CDH3: variants seen among roughly 807,000 people sequenced by gnomAD.
CDH3 encodes cadherin-3.
In CDH3, 54 loss-of-function variants were observed where a neutral mutation model predicts 82.0. The ratio of observed to expected loss-of-function variants is 0.66; its 90% CI spans 0.53 to 0.83. CDH3 has a LOEUF of 0.83. CDH3 is among the 40% of genes least tolerant of loss of function. The probability of loss-of-function intolerance (pLI) is 0.00; values close to 1 mark genes in which losing one functional copy is unlikely to be tolerated. For missense variants in CDH3, 1,054 were observed against 1,084.6 expected, an observed-to-expected ratio of 0.97 and a Z score of 0.40; for synonymous variants, 446 against 437.9, an observed-to-expected ratio of 1.02 and a Z score of -0.23.
intron 1 of CDH3, among the ~76,000 whole-genome samples, chr16:68,710,511 G>C (rs1171255146): frequency 6.6e-6 from 1 of 152,144 alleles, no homozygotes. Context: ...ACAATGCACA[G>C]GACAGCCCCC....
At chr16:68,696,055 C>A in intron 15 of CDH3, 132 bp downstream of exon 15, 1 of 921,970 alleles carries the variant, frequency 1.1e-6, no homozygotes, top group Non-Finnish European at 1.7e-6. Flanking sequence ...CAGCTTTTGA[C>A]CTCTGGCTTA....
intron 11 of CDH3, chr16:68,686,340 T>TA: frequency 1.0e-6 from 1 of 973,404 alleles, no homozygotes; most frequent in Non-Finnish European, 1.6e-6. Context: ...CTTGCGGCGC[T>TA]ACACAAGAGC....
intron 1 of CDH3, among the ~76,000 whole-genome samples, chr16:68,706,835 T>G (rs1961971590): frequency 6.6e-6 from 1 of 152,118 alleles, no homozygotes; most frequent in Non-Finnish European, 1.5e-5. Context: ...ATTACAGGCG[T>G]GAGCCACTGT....
At chr16:68,647,391 G>GT (rs1960105517) in intron 2 of CDH3, among the ~76,000 whole-genome samples, 2 of 152,136 alleles carry the variant, frequency 1.3e-5, no homozygotes, top group African/African-American at 4.8e-5. Flanking sequence ...TAGGCTTGAG[G>GT]TTTTGGGGGG....
intron 1 of CDH3, among the ~76,000 whole-genome samples, chr16:68,718,607 G>A (rs1200573967): frequency 1.3e-5 from 2 of 151,954 alleles, no homozygotes; most frequent in Non-Finnish European, 2.9e-5. Flanking sequence ...GCTTGAACCC[G>A]GGAGGTGGAG....
chr16:68,712,332 G>A (rs561855920), intron 1 of CDH3, among the ~76,000 whole-genome samples: 97 of 151,906 alleles, frequency 6.4e-4, no homozygotes, highest in African/African-American at 2.2e-3. Context: ...CATCACACCC[G>A]GCCCAGAGAG....
rs1052368023 is a variant in CDH3 at position 68,707,584 on chromosome 16, C to T, written c.99+11661C>T. On this transcript the variant is annotated intron_variant, in intron 1 of 2. Coordinates refer to the CDH3 transcript ENST00000569080. The surrounding 1 kb of genome is among the most constrained non-coding windows in gnomAD (Gnocchi z 4.5). ...TCTGGTAGGGCGGTGGCTAAGACAG[C>T]AGCCCCTAAAGGCTGCAGATGTGGG... is the stretch of plus-strand genomic sequence containing the variant. Among the ~76,000 whole-genome samples the T allele has an allele frequency of 5.9e-5, 9 of 152,166 alleles. No homozygotes were observed. The highest frequency in any genetic ancestry group is 2.0e-4 in the Admixed American group (3 of 15,270).
rs60952706 is a variant in CDH3, at chr16:68,690,756, A to C, written c.1796-964A>C. 4.8e-3 allele frequency among the ~76,000 whole-genome samples: 735 copies of C among 151,784 alleles called. 4 individuals carry two copies. Among genetic ancestry groups the C allele is most frequent in the African/African-American group, 0.017 (707 of 41,396 alleles). On this transcript the variant is annotated intron_variant, in intron 12 of 15. Transcript: ENST00000264012. ...AGCCTGTCTCTACTAAAAATACAAAAATTAGCCAGGCATGGTGGCGGGTGC... is the reference window on the plus strand; with the variant it reads ...AGCCTGTCTCTACTAAAAATACAAACATTAGCCAGGCATGGTGGCGGGTGC...
intron 2 of CDH3, among the ~76,000 whole-genome samples, chr16:68,656,492 A>G (rs1189077026): frequency 6.6e-6 from 1 of 152,134 alleles, no homozygotes; most frequent in East Asian, 1.9e-4. Context: ...CCAGAATCAC[A>G]CTATGTACTT....
chr16:68,722,597 A>G (rs1567465656), exon 2 of CDH3: 1 of 152,064 alleles, frequency 6.6e-6, no homozygotes. Context: ...AAGCCATCCA[A>G]TCAGTCCTCA....
intron 2 of CDH3, among the ~76,000 whole-genome samples, chr16:68,663,013 T>C (rs1960634841): frequency 6.6e-6 from 1 of 150,604 alleles, no homozygotes; most frequent in Admixed American, 6.7e-5. Flanking sequence ...GGACTACAGG[T>C]GCCTGCCACC....
downstream of CDH3, among the ~76,000 whole-genome samples, chr16:68,703,333 G>T (rs1961919555): frequency 6.6e-6 from 1 of 152,176 alleles, no homozygotes; most frequent in African/African-American, 2.4e-5. Context: ...CCCACAAAGG[G>T]ACTCAGGGAG....
intron 2 of CDH3, chr16:68,646,078 C>T (rs1435726536): frequency 2.7e-6 from 1 of 368,528 alleles, no homozygotes; most frequent in Non-Finnish European, 5.0e-6. Flanking sequence ...AATGCGCCGG[C>T]CACATTCTTC....
downstream of CDH3, among the ~76,000 whole-genome samples, chr16:68,731,716 C>T (rs1962295681): frequency 6.6e-6 from 1 of 150,646 alleles, no homozygotes; most frequent in Non-Finnish European, 1.5e-5. Flanking sequence ...TCATGCCTGC[C>T]TTCTCAGCTA....
At chr16:68,731,309 G>A (rs1247026434), downstream of CDH3, among the ~76,000 whole-genome samples, 27 of 115,430 alleles carry the variant, frequency 2.3e-4, no homozygotes, top group African/African-American at 7.0e-4. Flanking sequence ...GCAGTGAGCC[G>A]AGATCACGCC....
chr16:68,720,538 GCCAGGCTAC>G (rs1357535437), intron 1 of CDH3, among the ~76,000 whole-genome samples: 1 of 152,040 alleles, frequency 6.6e-6, no homozygotes, highest in Non-Finnish European at 1.5e-5. Context: ...CTGAGTCACT[GCCAGGCTAC>G]CCATACATGT....
At chr16:68,676,525 C>A in intron 3 of CDH3, 55 bp downstream of exon 3, 3 of 1,408,156 alleles carry the variant, frequency 2.1e-6, no homozygotes, top group South Asian at 1.2e-5. Context: ...TGTGCATGCC[C>A]AAATTGCTGG....
intron 2 of CDH3, chr16:68,651,881 T>C (rs1437301973): frequency 1.3e-5 from 6 of 463,572 alleles, no homozygotes; most frequent in Non-Finnish European, 2.2e-5. Context: ...GGGGGTCATA[T>C]CTGGACAGGA....
chr16:68,713,361 G>T (rs1962054857), intron 1 of CDH3, among the ~76,000 whole-genome samples: 2 of 151,972 alleles, frequency 1.3e-5, no homozygotes. Flanking sequence ...GGCTGAGGCG[G>T]GAGCAAGTTT....
Sources: allele counts gnomAD v4.1 joint callset (sites outside exome capture counted in the v4.1 genomes callset), GRCh38; gene constraint gnomAD v4.1.1; non-coding constraint Gnocchi (gnomAD v3.1); transcripts MANE v1.5; gene names NCBI Gene and HGNC (gene_info 2026-07-23, HGNC 2026-07-21).